The following L3HYPDH variants were observed in gnomAD, a reference collection of about 807,000 sequenced individuals.
The protein encoded by L3HYPDH is trans-3-hydroxy-L-proline dehydratase.
Under a neutral mutation model 26.5 loss-of-function variants are expected in L3HYPDH, and 32 were observed. That is an observed-to-expected ratio of 1.21 (90% CI 0.91 to 1.62). The LOEUF is 1.62. Ranked by LOEUF, L3HYPDH falls within the 40% of genes most tolerant of loss-of-function variation. The pLI is 0.00. For synonymous variants in L3HYPDH, 215 were observed against 196.6 expected, an observed-to-expected ratio of 1.09 and a Z score of -0.78; for missense variants, 554 against 476.4, an observed-to-expected ratio of 1.16 and a Z score of -1.52.
At chr14:59,496,936 T>C in the L3HYPDH span, among the ~76,000 whole-genome samples, 1 of 151,660 alleles carries the variant, frequency 6.6e-6, no homozygotes, top group Non-Finnish European at 1.5e-5. Flanking sequence ...TAAATATAAA[T>C]GTATGGTCAG....
the L3HYPDH span, among the ~76,000 whole-genome samples, chr14:59,499,216 C>T: frequency 0.39 from 58,968 of 150,768 alleles, 12,248 homozygotes; most frequent in African/African-American, 0.52. Context: ...TTAGTAGAGA[C>T]GGGGTTTCAC....
At chr14:59,502,717 T>C in the L3HYPDH span, among the ~76,000 whole-genome samples, 2 of 129,908 alleles carry the variant, frequency 1.5e-5, no homozygotes, top group Non-Finnish European at 3.3e-5. Context: ...AGGGAGAAAA[T>C]AGTTGGATAT....
downstream of L3HYPDH, among the ~76,000 whole-genome samples, chr14:59,470,227 T>C (rs1352171738): frequency 3.9e-5 from 6 of 152,144 alleles, no homozygotes; most frequent in African/African-American, 1.4e-4. Context: ...GTAATTAAAA[T>C]AGGCTCATCC....
upstream of L3HYPDH, among the ~76,000 whole-genome samples, chr14:59,488,560 G>T (rs1159191795): frequency 2.0e-5 from 3 of 152,184 alleles, no homozygotes; most frequent in Non-Finnish European, 4.4e-5. Context: ...GTAATCTGGG[G>T]TAGTCAAGAG....
chr14:59,485,153 A>AT (rs1566571147), upstream of L3HYPDH: 3 of 1,593,606 alleles, frequency 1.9e-6, no homozygotes, highest in Non-Finnish European at 2.5e-6. Context: ...TCAGTTTATC[A>AT]TACTGGTTTT....
chr14:59,476,131 C>T lies in L3HYPDH; in HGVS notation c.762G>A (p.Lys254=), dbSNP rs553945514. ...AAACACAAATGTTGGTGGTTGGTTC[C>T]TTGGTATAAGCATCTTTTCCATCTG... ...ILTDGKDAYT[K]EPTTNICVFA... Residue 254 remains lysine, a synonymous_variant, in exon 3 of 5, where the codon AAG becomes AAA. Coordinates refer to ENST00000247194, the MANE Select transcript of L3HYPDH (RefSeq NM_144581.2). 6.2e-7 allele frequency: 1 copy of T among 1,613,864 alleles called. No homozygotes were observed. The highest frequency in any genetic ancestry group is 1.1e-5 in the South Asian group (1 of 91,056).
rs150191667 is a variant in L3HYPDH, at chr14:59,475,956, C to A, written c.852G>T (p.Gln284His). ...TCAGTTCCAGAAGCCCTTTGTGATACTGTAAGGCAATTCGGGCTGTCACTC... is the reference window on the plus strand; with the variant it reads ...TCAGTTCCAGAAGCCCTTTGTGATAATGTAAGGCAATTCGGGCTGTCACTC... ...GSGVTARIAL[Q>H]YHKGLLELNQ... The change falls in exon 4 of 5, where the codon CAG (glutamine) becomes CAT (histidine). Residue 284 changes from glutamine (Q) to histidine (H), a missense_variant. Transcript: ENST00000247194. The A allele has an allele frequency of 8.6e-4, 1,388 of 1,613,950 alleles. 3 individuals are homozygous for A. The highest frequency in any genetic ancestry group is 1.2e-3 in the Admixed American group (75 of 60,002).
At position 59,479,225 on chromosome 14, in the gene L3HYPDH, A is replaced by G. The variant is rs933003196; in HGVS notation, c.635T>C (p.Leu212Pro). The change falls in exon 2 of 5, where the codon CTT becomes CCT. Residue 212 changes from leucine to proline, a missense_variant. Physicochemically the swap from Leu to Pro is moderately conservative, Grantham distance 98. Transcript: ENST00000247194. ...TGTCACTGCACTCGCTGCATCCACA[A>G]GGTCCCTGGTCTTTGCAGAACAAAT... Reference protein sequence around the residue: ...LDICSAKTRDLVDAASAVTEA... With the variant: ...LDICSAKTRDPVDAASAVTEA... 1.2e-6 allele frequency: 2 copies of G among 1,611,652 alleles called. No homozygotes were observed. Among genetic ancestry groups the G allele is most frequent in the Non-Finnish European group, 1.7e-6 (2 of 1,179,570 alleles).
chr14:59,493,700 C>T, the L3HYPDH span, among the ~76,000 whole-genome samples: 1 of 152,090 alleles, frequency 6.6e-6, no homozygotes, highest in Non-Finnish European at 1.5e-5. Flanking sequence ...CATTAAGTTA[C>T]ATAGGATTTA....
At chr14:59,498,613 T>C in the L3HYPDH span, 18 of 604,846 alleles carry the variant, frequency 3.0e-5, no homozygotes, top group Non-Finnish European at 4.7e-5. Flanking sequence ...ATCCAATGGA[T>C]AGAGTAAATA....
chr14:59,499,105 C>T, the L3HYPDH span, among the ~76,000 whole-genome samples: 1 of 138,652 alleles, frequency 7.2e-6, no homozygotes, highest in African/African-American at 2.7e-5. Flanking sequence ...TTCACTGCAA[C>T]CTCCGCCTCC....
In L3HYPDH at chr14:59,473,073, A is replaced by G; in HGVS notation, c.957T>C (p.Asp319=). The change falls in exon 5 of 5, where the codon GAT becomes GAC. Residue 319 remains aspartate, a synonymous_variant. Coordinates refer to ENST00000247194, the MANE Select transcript of L3HYPDH (RefSeq NM_144581.2). ...ATACTTCCACTATAACAGCTTTAAA[A>G]TCACCACATTTCGCTTCCTGAAAAA... ...GKAVREAKCG[D]FKAVIVEVSG... is the part of the protein sequence containing the mutation. 1 of 1,597,256 alleles carries G rather than the reference A, an allele frequency of 6.3e-7. No homozygotes were observed. The highest frequency in any genetic ancestry group is 1.1e-5 in the South Asian group (1 of 87,648).
upstream of L3HYPDH, chr14:59,486,674 A>G: frequency 1.5e-6 from 2 of 1,368,786 alleles, no homozygotes; most frequent in Non-Finnish European, 2.0e-6. Context: ...TTTTATAATC[A>G]CAAAAGATGT....
At chr14:59,504,219 T>C in the L3HYPDH span, 1 of 624,104 alleles carries the variant, frequency 1.6e-6, no homozygotes, top group Admixed American at 2.9e-5. Flanking sequence ...TTGTTTTGTT[T>C]ATGGTTAGAC....
upstream of L3HYPDH, chr14:59,486,613 A>C: frequency 1.3e-6 from 1 of 794,394 alleles, no homozygotes; most frequent in Non-Finnish European, 2.1e-6. Context: ...ATTATTCAAA[A>C]ATTTGAAACT....
chr14:59,469,265 G>T (rs1889257115), downstream of L3HYPDH, among the ~76,000 whole-genome samples: 1 of 152,098 alleles, frequency 6.6e-6, no homozygotes, highest in South Asian at 2.1e-4. Flanking sequence ...GTTGATAAAA[G>T]AAGGGGAGGC....
At chr14:59,496,186 G>A in the L3HYPDH span, among the ~76,000 whole-genome samples, 4 of 152,128 alleles carry the variant, frequency 2.6e-5, no homozygotes, top group African/African-American at 4.8e-5. Flanking sequence ...GATTACAGGC[G>A]TGAGCCACTG....
At chr14:59,484,516 T>G (rs1244282082), upstream of L3HYPDH, 2 of 1,540,612 alleles carry the variant, frequency 1.3e-6, no homozygotes, top group Non-Finnish European at 1.8e-6. Context: ...CCGAGCTCGC[T>G]GTGGCCCGGA....
chr14:59,501,744 T>C, the L3HYPDH span, among the ~76,000 whole-genome samples: 43 of 152,288 alleles, frequency 2.8e-4, no homozygotes, highest in African/African-American at 1.0e-3. Context: ...TACCCCATAA[T>C]GTTTGGGGGA....
Sources: gnomAD v4.1 joint callset for allele counts (sites outside exome capture counted in the v4.1 genomes callset) on GRCh38, gnomAD v4.1.1 for gene constraint, MANE v1.5 for transcripts, NCBI Gene and HGNC (gene_info 2026-07-23, HGNC 2026-07-21) for gene names.